ADIPOR2: variants seen among roughly 807,000 people sequenced by gnomAD.
ADIPOR2 encodes the protein adiponectin receptor 2, also known as adiponectin receptor protein 2.
ADIPOR2 carries 18 observed loss-of-function variants against 40.9 expected under a neutral mutation model. The observed-to-expected ratio is 0.44, with a 90% CI of 0.30 to 0.65. The LOEUF (loss-of-function observed/expected upper bound fraction) is 0.65. Among genes scored for constraint, ADIPOR2 ranks in the 30% least tolerant of loss-of-function variants. The pLI is 0.09. For synonymous variants in ADIPOR2, 165 were observed against 166.4 expected, an observed-to-expected ratio of 0.99 and a Z score of 0.06; for missense variants, 283 against 479.2, an observed-to-expected ratio of 0.59 and a Z score of 3.82.
intron 2 of ADIPOR2, among the ~76,000 whole-genome samples, chr12:1,766,544 G>A (rs1302885612): frequency 6.6e-6 from 1 of 152,102 alleles, no homozygotes; most frequent in Non-Finnish European, 1.5e-5. Flanking sequence ...TTAGACCATT[G>A]CCCCTAGGCC....
In ADIPOR2 at chr12:1,777,835, G is replaced by A; in HGVS notation, c.292-19G>A. On this transcript the variant is annotated intron_variant, in intron 3 of 7. Transcript: ENST00000357103. ...GACAACTAAAATCACAAAGATGTTTGATAATACCTCTCTGCCAGGTATGGG... is the reference window on the plus strand; with the variant it reads ...GACAACTAAAATCACAAAGATGTTTAATAATACCTCTCTGCCAGGTATGGG... 6.2e-7 allele frequency: 1 copy of A among 1,601,956 alleles called. No individual in the cohort carries two copies. Among genetic ancestry groups the A allele is most frequent in the South Asian group, 1.1e-5 (1 of 89,454 alleles).
intron 2 of ADIPOR2, among the ~76,000 whole-genome samples, chr12:1,761,162 A>AG (rs1383933052): frequency 1.3e-5 from 2 of 152,202 alleles, no homozygotes; most frequent in Non-Finnish European, 2.9e-5. Context: ...CAGCATATAT[A>AG]GGGTCCAGCA....
intron 1 of ADIPOR2, among the ~76,000 whole-genome samples, chr12:1,750,322 G>T (rs2154443328): frequency 6.6e-6 from 1 of 151,938 alleles, no homozygotes; most frequent in South Asian, 2.1e-4. Context: ...ACTTTGGGAG[G>T]CCAACGTGAG....
intron 1 of ADIPOR2, among the ~76,000 whole-genome samples, chr12:1,738,230 A>T (rs890123924): frequency 1.4e-5 from 2 of 143,880 alleles, no homozygotes; most frequent in Non-Finnish European, 3.1e-5. Flanking sequence ...AAAAAAAAAA[A>T]GTTAACCAGG....
chr12:1,748,442 G>A (rs1411483626), intron 1 of ADIPOR2, among the ~76,000 whole-genome samples: 2 of 151,978 alleles, frequency 1.3e-5, no homozygotes, highest in Non-Finnish European at 2.9e-5. Context: ...TAGAGATGGG[G>A]TTTCACCGTG....
At chr12:1,725,242 C>G (rs538816600) in intron 1 of ADIPOR2, among the ~76,000 whole-genome samples, 35 of 152,118 alleles carry the variant, frequency 2.3e-4, no homozygotes, top group African/African-American at 7.5e-4. Context: ...CTGCCTCAGT[C>G]TCCCGAGTAG....
At chr12:1,783,766 A>G (rs1266680695) in intron 6 of ADIPOR2, 114 bp from the exon 7 acceptor site, 3 of 896,960 alleles carry the variant, frequency 3.3e-6, no homozygotes, top group Non-Finnish European at 4.8e-6. Flanking sequence ...AGCTAATTTT[A>G]TATGCTACTT....
rs570902591 is a variant in ADIPOR2, at chr12:1,744,481, G to A, written c.-86-9777G>A. On this transcript the variant is annotated intron_variant, in intron 1 of 7. Coordinates refer to ENST00000357103, the MANE Select transcript of ADIPOR2 (RefSeq NM_024551.3). ...CTGGTTAGTAGTTGGAACTATAGGC[G>A]CGTACCGCCATGACCGGCTAATTTT... Among the ~76,000 whole-genome samples the A allele has an allele frequency of 7.2e-5, 11 of 151,756 alleles. No homozygotes were observed. In the South Asian group the frequency reaches 8.3e-4, roughly 11 times the overall value.
Position 1,731,533 on chromosome 12 carries a change from G to T in ADIPOR2, c.-86-22725G>T, listed in dbSNP as rs79104444. 9.7e-4 allele frequency among the ~76,000 whole-genome samples: 147 copies of T among 152,246 alleles called. 1 individual carries two copies. The East Asian group carries it at 0.025, about 26-fold the overall frequency. The stretch of plus-strand genomic sequence containing the variant: ...CATTGTTCTCTTCTCCCAGTTCCTG[G>T]TAAGTTCTATTACACTTTCTGACGC... On this transcript the variant is annotated intron_variant, in intron 1 of 7. Coordinates refer to ENST00000357103, the MANE Select transcript of ADIPOR2 (RefSeq NM_024551.3).
At position 1,786,839 on chromosome 12, in the gene ADIPOR2, G is replaced by A. The variant is rs1862847830; in HGVS notation, c.*767G>A. 6.6e-6 allele frequency: 1 copy of A among 152,306 alleles called. No homozygotes were observed. Among genetic ancestry groups the A allele is most frequent in the Non-Finnish European group, 1.5e-5 (1 of 68,078 alleles). 9.4% of individuals were successfully genotyped at this position (152,306 alleles called of 1,614,324 possible). ...CCCTTTGGGAGGCCTGAGGTAGAGG[G>A]GAGTGGTATGTGTTTTCTCAGTGGA... On this transcript the variant is annotated 3_prime_UTR_variant, in exon 8 of 8. Transcript: ENST00000357103.
chr12:1,739,626 ACTAG>A (rs1202438539), intron 1 of ADIPOR2, among the ~76,000 whole-genome samples: 1 of 152,232 alleles, frequency 6.6e-6, no homozygotes, highest in African/African-American at 2.4e-5. Context: ...TTTGTGCTGC[ACTAG>A]CTGAGTTGAG....
intron 1 of ADIPOR2, among the ~76,000 whole-genome samples, chr12:1,712,334 CG>C (rs2094679208): frequency 6.6e-6 from 1 of 152,070 alleles, no homozygotes; most frequent in Non-Finnish European, 1.5e-5. Context: ...TCCAAGCAGG[CG>C]GTTGTCTGAT....
At chr12:1,729,221 A>G (rs1490888238) in intron 1 of ADIPOR2, among the ~76,000 whole-genome samples, 1 of 152,004 alleles carries the variant, frequency 6.6e-6, no homozygotes, top group East Asian at 1.9e-4. Flanking sequence ...CATTCCTAGA[A>G]CTATATTGTA....
At position 1,745,605 on chromosome 12, in the gene ADIPOR2, CCTT is replaced by C. The variant is rs1286679785; in HGVS notation, c.-86-8649_-86-8647del. ...GCTTCATCTTCAATATCATCTTGTC[CCTT>C]CTTACAATGAATTATCCTATTTATA... On this transcript the variant is annotated intron_variant, in intron 1 of 7. Transcript: ENST00000357103. Among the ~76,000 whole-genome samples, 5 of 152,038 alleles carry C rather than the reference CCTT, an allele frequency of 3.3e-5. No individual in the cohort carries two copies. The East Asian group carries it at 5.8e-4, about 18-fold the overall frequency.
intron 1 of ADIPOR2, among the ~76,000 whole-genome samples, chr12:1,751,573 T>A (rs2094769154): frequency 6.6e-6 from 1 of 152,142 alleles, no homozygotes; most frequent in Non-Finnish European, 1.5e-5. Flanking sequence ...AGTAATGCCA[T>A]CAGAGCTCAG....
At position 1,777,926 on chromosome 12, in the gene ADIPOR2, T is replaced by C. The variant is rs770759642; in HGVS notation, c.364T>C (p.Leu122=). Reference sequence around the variant, plus strand: ...CTGGCTCAAGGATAATGACTTCCTCTTGCATGGACACCGGCCTCCTATGCC... The same window carrying C: ...CTGGCTCAAGGATAATGACTTCCTCCTGCATGGACACCGGCCTCCTATGCC... ...PDWLKDNDFL[L]HGHRPPMPSF... is the part of the protein sequence containing the mutation. Residue 122 remains leucine (L), a synonymous_variant, in exon 4 of 8, where the codon TTG becomes CTG. Transcript: ENST00000357103. The C allele has an allele frequency of 2.5e-6, 4 of 1,614,138 alleles. No homozygotes were observed. In the Admixed American group the frequency reaches 6.7e-5, roughly 27 times the overall value.
intron 2 of ADIPOR2, among the ~76,000 whole-genome samples, chr12:1,756,408 G>C (rs7978362): frequency 0.54 from 80,873 of 150,586 alleles, 22,452 homozygotes; most frequent in African/African-American, 0.67. Flanking sequence ...CCTTGGCCCC[G>C]CAAATTGCTG....
intron 1 of ADIPOR2, among the ~76,000 whole-genome samples, chr12:1,721,818 T>C (rs960375010): frequency 6.6e-6 from 1 of 152,136 alleles, no homozygotes; most frequent in Admixed American, 6.6e-5. Context: ...CATTCTACCA[T>C]AGGGAACCAT....
chr12:1,721,416 A>G (rs550926946), intron 1 of ADIPOR2, among the ~76,000 whole-genome samples: 63 of 151,974 alleles, frequency 4.1e-4, no homozygotes, highest in Non-Finnish European at 8.4e-4. Context: ...GGGTTTCACC[A>G]TGTTGGCCAG....
Sources: gnomAD v4.1 joint callset for allele counts (sites outside exome capture counted in the v4.1 genomes callset) on GRCh38, gnomAD v4.1.1 for gene constraint, MANE v1.5 for transcripts, NCBI Gene and HGNC (gene_info 2026-07-23, HGNC 2026-07-21) for gene names.